LCORL: variants seen among roughly 807,000 people sequenced by gnomAD.
LCORL encodes ligand-dependent nuclear receptor corepressor-like protein.
LCORL carries 41 observed loss-of-function variants against 141.8 expected under a neutral mutation model. That is an observed-to-expected ratio of 0.29 (90% CI 0.23 to 0.38). The LOEUF (loss-of-function observed/expected upper bound fraction) is 0.38, where lower values mean the gene tolerates loss of function less well. Ranked by LOEUF, LCORL falls within the 10% of genes least tolerant of loss-of-function variation. The pLI, the probability that LCORL is intolerant of heterozygous loss-of-function variation, is 1.00. For missense variants in LCORL, 1,759 were observed against 2,035.0 expected, an observed-to-expected ratio of 0.86 and a Z score of 2.61; for synonymous variants, 618 against 694.1, an observed-to-expected ratio of 0.89 and a Z score of 1.72.
chr4:17,927,928 G>T (rs532589229), intron 4 of LCORL, among the ~76,000 whole-genome samples: 2 of 151,808 alleles, frequency 1.3e-5, no homozygotes, highest in East Asian at 3.9e-4. Flanking sequence ...CCTTCAATTT[G>T]TAAAAAAATG....
intron 1 of LCORL, among the ~76,000 whole-genome samples, chr4:18,008,404 C>A (rs1183968506): frequency 6.6e-6 from 1 of 152,032 alleles, no homozygotes; most frequent in African/African-American, 2.4e-5. Context: ...TTTTTCCCAC[C>A]CCTGAAACTC....
intron 4 of LCORL, among the ~76,000 whole-genome samples, chr4:17,950,405 C>T (rs1408081656): frequency 1.3e-5 from 2 of 152,064 alleles, no homozygotes; most frequent in African/African-American, 2.4e-5. Flanking sequence ...ATGTCATTAA[C>T]GCAGCCTATA....
At chr4:17,974,157 T>C (rs904792283) in intron 1 of LCORL, among the ~76,000 whole-genome samples, 16 of 152,096 alleles carry the variant, frequency 1.1e-4, no homozygotes, top group Non-Finnish European at 1.9e-4. Flanking sequence ...TTTTCTGTCA[T>C]CAACGTGCTT....
exon 7 of LCORL, chr4:17,874,599 T>C (rs1316540332): frequency 1.1e-5 from 13 of 1,233,706 alleles, no homozygotes; most frequent in Non-Finnish European, 1.3e-5. Context: ...TTCTCTTTTT[T>C]TATGAATACA....
At chr4:17,927,827 G>C (rs1224366265) in intron 4 of LCORL, among the ~76,000 whole-genome samples, 2 of 152,294 alleles carry the variant, frequency 1.3e-5, no homozygotes, top group East Asian at 1.9e-4. Flanking sequence ...AATATTGTGA[G>C]AATTACTAAA....
chr4:18,001,277 A>C (rs374433293), intron 1 of LCORL, among the ~76,000 whole-genome samples: 1 of 147,494 alleles, frequency 6.8e-6, no homozygotes, highest in African/African-American at 2.6e-5. Flanking sequence ...TAAAGCATAT[A>C]CCTGGCATAA....
At chr4:17,867,905 C>T (rs1725879137) in intron 7 of LCORL, among the ~76,000 whole-genome samples, 1 of 152,142 alleles carries the variant, frequency 6.6e-6, no homozygotes, top group Non-Finnish European at 1.5e-5. Context: ...AAGTTAGAGA[C>T]TCTTTAAAAC....
At chr4:17,944,105 T>G (rs1159883416) in intron 4 of LCORL, among the ~76,000 whole-genome samples, 3 of 152,204 alleles carry the variant, frequency 2.0e-5, no homozygotes, top group African/African-American at 7.2e-5. Flanking sequence ...ACCTGACCAC[T>G]GTATTTGTGA....
intron 4 of LCORL, among the ~76,000 whole-genome samples, chr4:17,913,598 C>T (rs1423132987): frequency 6.6e-6 from 1 of 152,152 alleles, no homozygotes; most frequent in Non-Finnish European, 1.5e-5. Flanking sequence ...AGAAAGGCAG[C>T]CAAAGCTTGA....
At chr4:17,842,612 ATGT>A (rs1414720548) in exon 8 of LCORL, 4 of 416,640 alleles carry the variant, frequency 9.6e-6, no homozygotes, top group African/African-American at 8.2e-5. Flanking sequence ...TATCTTTAAT[ATGT>A]TGTTTCAATT....
rs1725762152 is a variant in LCORL, at chr4:17,867,075, T to C, written c.5602+6313A>G. On this transcript the variant is annotated intron_variant, in intron 7 of 7. Transcript: ENST00000635767. ...CAAAACAGAATACAACTGGTGTTCA[T>C]GGCTCCCCCAGCACCACTCTGCTGG... 3 of 628,314 alleles carry C rather than the reference T, an allele frequency of 4.8e-6. No homozygotes were observed. The Admixed American group carries it at 1.9e-4, about 40-fold the overall frequency. 38.9% of individuals were successfully genotyped at this position (628,314 alleles called of 1,614,324 possible).
chr4:17,958,319 T>C (rs1269400745), intron 4 of LCORL, among the ~76,000 whole-genome samples: 1 of 151,804 alleles, frequency 6.6e-6, no homozygotes, highest in Non-Finnish European at 1.5e-5. Flanking sequence ...TACATTTTGA[T>C]GAAGGATGAC....
intron 4 of LCORL, among the ~76,000 whole-genome samples, chr4:17,917,129 T>C (rs1733567235): frequency 6.6e-6 from 1 of 151,888 alleles, no homozygotes; most frequent in Non-Finnish European, 1.5e-5. Flanking sequence ...CATGTGCTAC[T>C]GCGCCCAGCT....
rs185587739 is a variant in LCORL at position 18,021,324 on chromosome 4, G to T, written c.154+274C>A. Among the ~76,000 whole-genome samples, 308 of 152,234 alleles carry T rather than the reference G, an allele frequency of 2.0e-3. No homozygotes were observed. Among genetic ancestry groups the T allele is most frequent in the African/African-American group, 6.9e-3 (287 of 41,560 alleles). On this transcript the variant is annotated intron_variant, in intron 1 of 7. Coordinates refer to ENST00000635767, the Ensembl canonical transcript of LCORL. The surrounding 1 kb of genome is among the most constrained non-coding windows in gnomAD (Gnocchi z 5.5). The stretch of plus-strand genomic sequence containing the variant: ...GGAGTTTCGGGGAGAGAGCGAGCGG[G>T]CGGCTTCCGCGGGGGCTCAGCAAGC...
intron 7 of LCORL, among the ~76,000 whole-genome samples, chr4:17,850,605 G>C (rs1174021057): frequency 6.6e-6 from 1 of 151,972 alleles, no homozygotes; most frequent in African/African-American, 2.4e-5. Flanking sequence ...TTAGAATGGC[G>C]ATCATTAAAA....
rs188500250 is a variant in LCORL, at chr4:17,896,612, G to C, written c.683-10451C>G. Reference sequence around the variant, plus strand: ...TTCTTTTGTAAGTTTTAATTTTTGTGGTTACTGAGTATGGGGTACATGAGA... The same window carrying C: ...TTCTTTTGTAAGTTTTAATTTTTGTCGTTACTGAGTATGGGGTACATGAGA... On this transcript the variant is annotated intron_variant, in intron 5 of 7. Transcript: ENST00000635767. Among the ~76,000 whole-genome samples the C allele has an allele frequency of 1.8e-3, 274 of 152,092 alleles. 3 individuals carry two copies. The highest frequency in any genetic ancestry group is 6.8e-3 in the Middle Eastern group (2 of 294).
intron 2 of LCORL, among the ~76,000 whole-genome samples, chr4:17,972,110 T>G (rs1047748427): frequency 9.2e-5 from 14 of 151,878 alleles, no homozygotes; most frequent in Admixed American, 3.9e-4. Flanking sequence ...AAGAGACAAG[T>G]TTATAGGTTA....
intron 6 of LCORL, chr4:17,881,850 T>C (rs1046811001): frequency 3.8e-5 from 37 of 983,874 alleles, no homozygotes; most frequent in Middle Eastern, 5.2e-4. Flanking sequence ...TTGCTTTCCA[T>C]TGGGGGAAGG....
intron 4 of LCORL, among the ~76,000 whole-genome samples, chr4:17,935,906 G>A (rs1736775263): frequency 6.6e-6 from 1 of 152,146 alleles, no homozygotes; most frequent in South Asian, 2.1e-4. Flanking sequence ...TAATTGAAAA[G>A]CAATTTTGGA....
Sources: allele counts gnomAD v4.1 joint callset (sites outside exome capture counted in the v4.1 genomes callset), GRCh38; gene constraint gnomAD v4.1.1; non-coding constraint Gnocchi (gnomAD v3.1); transcripts MANE v1.5; gene names NCBI Gene and HGNC (gene_info 2026-07-23, HGNC 2026-07-21).